The following CFAP299 variants were observed in gnomAD, a reference collection of about 807,000 sequenced individuals.
CFAP299 encodes the protein cilia and flagella associated protein 299.
Under a neutral mutation model 27.0 loss-of-function variants are expected in CFAP299, and 21 were observed. That is an observed-to-expected ratio of 0.78 (90% CI 0.55 to 1.12). The LOEUF is 1.12. Among genes scored for constraint, CFAP299 ranks in the 50% most tolerant of loss-of-function variants. The pLI is 0.00. For missense variants in CFAP299, 310 were observed against 276.6 expected (o/e 1.12, Z -0.86); for synonymous variants, 104 against 98.1 (o/e 1.06, Z -0.36).
rs192878260 is a variant in CFAP299 at position 80,344,586 on chromosome 4, T to A, written c.111+8707T>A. Among the ~76,000 whole-genome samples, 14 of 152,306 alleles carry A rather than the reference T, an allele frequency of 9.2e-5. No individual in the cohort carries two copies. In the East Asian group the frequency reaches 1.7e-3, roughly 19 times the overall value. On this transcript the variant is annotated intron_variant, in intron 1 of 5. Transcript: ENST00000358105. ...CCAGAGGTATAAAGAAGAGCTGATA[T>A]CATTTCTAATGAAACTATTTCAAAA...
rs552468021 is a variant in CFAP299 at position 80,496,954 on chromosome 4, A to G, written c.243-86139A>G. Among the ~76,000 whole-genome samples the G allele has an allele frequency of 5.9e-5, 9 of 152,302 alleles. No homozygotes were observed. The South Asian group carries it at 8.3e-4, about 14-fold the overall frequency. ...TAAATGATCATGTCTCATGAAACTT[A>G]CTATCACAAAACCTACTATCACAAA... is the stretch of plus-strand genomic sequence containing the variant. On this transcript the variant is annotated intron_variant, in intron 2 of 5. Coordinates refer to ENST00000358105, the MANE Select transcript of CFAP299 (RefSeq NM_152770.3).
intron 3 of CFAP299, among the ~76,000 whole-genome samples, chr4:80,587,311 A>G (rs1002326550): frequency 6.6e-6 from 1 of 152,192 alleles, no homozygotes; most frequent in African/African-American, 2.4e-5. Context: ...CAGAAAAACT[A>G]TAGCTGGATA....
At chr4:80,834,043 T>C (rs906251447) in intron 3 of CFAP299, among the ~76,000 whole-genome samples, 1 of 152,198 alleles carries the variant, frequency 6.6e-6, no homozygotes, top group Non-Finnish European at 1.5e-5. Context: ...AGATGGAAAA[T>C]ACTTGCAGTT....
intron 2 of CFAP299, among the ~76,000 whole-genome samples, chr4:80,458,314 G>A (rs1729265437): frequency 6.6e-6 from 1 of 152,190 alleles, no homozygotes; most frequent in Admixed American, 6.5e-5. Flanking sequence ...TTCCGTGTCT[G>A]GGAATGGAAC....
chr4:80,820,706 G>A (rs760443684), intron 3 of CFAP299, among the ~76,000 whole-genome samples: 1 of 152,166 alleles, frequency 6.6e-6, no homozygotes, highest in Non-Finnish European at 1.5e-5. Flanking sequence ...TGGGCAGACA[G>A]GGGCTAAAGG....
intron 2 of CFAP299, among the ~76,000 whole-genome samples, chr4:80,422,572 T>C (rs966307629): frequency 1.3e-5 from 2 of 152,194 alleles, no homozygotes; most frequent in African/African-American, 4.8e-5. Flanking sequence ...TATTATTCAT[T>C]CTATCAGTTG....
the CFAP299 span, among the ~76,000 whole-genome samples, chr4:80,321,556 G>A: frequency 2.6e-5 from 4 of 152,136 alleles, no homozygotes; most frequent in South Asian, 2.1e-4. Context: ...ATGAAGGGCC[G>A]CTCCCCCATC....
At position 80,860,937 on chromosome 4, in the gene CFAP299, A is replaced by T. The variant is rs995157994; in HGVS notation, c.334-9056A>T. Among the ~76,000 whole-genome samples, 16 of 152,184 alleles carry T rather than the reference A, an allele frequency of 1.1e-4. 1 individual carries two copies. The highest frequency in any genetic ancestry group is 6.5e-4 in the Admixed American group (10 of 15,274). ...TGCTGGGAGAACCACTGCTCTCTTC[A>T]AATCTGTCAGACAGGGACATTTAAG... On this transcript the variant is annotated intron_variant, in intron 3 of 5. Transcript: ENST00000358105.
intron 3 of CFAP299, among the ~76,000 whole-genome samples, chr4:80,853,368 T>C (rs1731638605): frequency 6.6e-6 from 1 of 152,074 alleles, no homozygotes; most frequent in African/African-American, 2.4e-5. Flanking sequence ...CATAAAGAAA[T>C]AAGTACCAAG....
chr4:80,453,841 A>AAAT (rs10692004), intron 2 of CFAP299, among the ~76,000 whole-genome samples: 32,594 of 135,768 alleles, frequency 0.24, 4,074 homozygotes, highest in Admixed American at 0.28. Flanking sequence ...ACCCTGTCTC[A>AAAT]AATAATAATA....
At chr4:80,357,092 A>T (rs975582706) in intron 1 of CFAP299, among the ~76,000 whole-genome samples, 3 of 152,216 alleles carry the variant, frequency 2.0e-5, no homozygotes, top group Non-Finnish European at 4.4e-5. Context: ...CTATTGAAAT[A>T]ATCATGTGGT....
chr4:80,939,178 A>G (rs1737069928), intron 4 of CFAP299, among the ~76,000 whole-genome samples: 1 of 152,202 alleles, frequency 6.6e-6, no homozygotes, highest in Admixed American at 6.6e-5. Context: ...CTATTTGGGA[A>G]TCTTTGTGCA....
chr4:80,497,713 A>G (rs762194825), intron 2 of CFAP299, among the ~76,000 whole-genome samples: 3 of 152,148 alleles, frequency 2.0e-5, no homozygotes, highest in Admixed American at 6.6e-5. Flanking sequence ...GCCTTACTGC[A>G]TATTATGAAC....
intron 3 of CFAP299, among the ~76,000 whole-genome samples, chr4:80,720,407 G>T (rs1722744977): frequency 6.6e-6 from 1 of 152,138 alleles, no homozygotes; most frequent in African/African-American, 2.4e-5. Context: ...TAGATTAAAT[G>T]TTTCTCTAGC....
At position 80,386,512 on chromosome 4, in the gene CFAP299, T is replaced by TC. The variant is rs942918285; in HGVS notation, c.242+23628_242+23629insC. On this transcript the variant is annotated intron_variant, in intron 2 of 5. Transcript: ENST00000358105. ...GCTGCCCTCTTCTCGCGGGCGGTGG[T>TC]GGGGGGGGGGGGTGCCGCCGGGTTT... is the stretch of plus-strand genomic sequence containing the variant. 8.9e-4 allele frequency: 1,308 copies of TC among 1,469,116 alleles called. 2 individuals are homozygous for TC. The highest frequency in any genetic ancestry group is 7.8e-3 in the South Asian group (637 of 81,836). The allele number at this position is 1,469,116 out of a possible 1,614,324, so 91.0% of individuals were successfully genotyped here. A position where few individuals can be genotyped will look rare whatever the true frequency, so the allele number is the denominator to read the frequency against.
At chr4:80,810,756 G>T (rs1281648851) in intron 3 of CFAP299, among the ~76,000 whole-genome samples, 1 of 152,106 alleles carries the variant, frequency 6.6e-6, no homozygotes, top group East Asian at 1.9e-4. Context: ...AAACCACACA[G>T]TTTGTGGTAA....
chr4:80,900,423 G>C (rs1734830767), intron 4 of CFAP299, among the ~76,000 whole-genome samples: 1 of 151,914 alleles, frequency 6.6e-6, no homozygotes, highest in South Asian at 2.1e-4. Flanking sequence ...AAAGAACGTG[G>C]GGAAAATATC....
chr4:80,578,560 A>G (rs914397644), intron 2 of CFAP299, among the ~76,000 whole-genome samples: 3 of 152,174 alleles, frequency 2.0e-5, no homozygotes, highest in African/African-American at 7.2e-5. Flanking sequence ...TAAAAGAAGA[A>G]CAGTATGAAC....
At chr4:80,774,430 A>AT (rs1435994515) in intron 3 of CFAP299, among the ~76,000 whole-genome samples, 2 of 151,884 alleles carry the variant, frequency 1.3e-5, no homozygotes, top group Admixed American at 1.3e-4. Context: ...ATCAATTTAT[A>AT]TTTTTTCTGC....
Sources: gnomAD v4.1 joint callset for allele counts (sites outside exome capture counted in the v4.1 genomes callset) on GRCh38, gnomAD v4.1.1 for gene constraint, MANE v1.5 for transcripts, NCBI Gene and HGNC (gene_info 2026-07-23, HGNC 2026-07-21) for gene names.